FMNL2: variants seen among roughly 807,000 people sequenced by gnomAD.
The protein encoded by FMNL2 is formin-like protein 2.
A neutral mutation model predicts 130.2 loss-of-function variants in FMNL2; 51 were observed. The observed-to-expected ratio is 0.39, with a 90% CI of 0.31 to 0.49. FMNL2 has a LOEUF of 0.49. FMNL2 is among the 20% of genes least tolerant of loss of function. FMNL2 has a pLI of 0.85. For synonymous variants in FMNL2, 465 were observed against 467.1 expected (o/e 1.00, Z 0.06); for missense variants, 977 against 1,316.2 (o/e 0.74, Z 3.99).
intron 1 of FMNL2, among the ~76,000 whole-genome samples, chr2:152,416,184 C>A (rs1686601582): frequency 6.6e-6 from 1 of 152,122 alleles, no homozygotes; most frequent in Non-Finnish European, 1.5e-5. Context: ...TTGAAACTTT[C>A]TTCGGTAACC....
intron 1 of FMNL2, among the ~76,000 whole-genome samples, chr2:152,418,794 C>T (rs974716730): frequency 6.6e-6 from 1 of 152,046 alleles, no homozygotes; most frequent in Non-Finnish European, 1.5e-5. Flanking sequence ...GTTTAAGTTT[C>T]TGCTTTCAGT....
intron 1 of FMNL2, among the ~76,000 whole-genome samples, chr2:152,373,210 A>G (rs1156984724): frequency 6.6e-6 from 1 of 152,222 alleles, no homozygotes; most frequent in Non-Finnish European, 1.5e-5. Context: ...AGACTATTCA[A>G]GGTTAATTCT....
At chr2:152,617,681 C>T (rs936846340) in intron 13 of FMNL2, among the ~76,000 whole-genome samples, 4 of 152,192 alleles carry the variant, frequency 2.6e-5, no homozygotes, top group Admixed American at 6.5e-5. Flanking sequence ...GCAAAGCAAA[C>T]CCAATCCATT....
intron 1 of FMNL2, among the ~76,000 whole-genome samples, chr2:152,392,648 G>A (rs1157156808): frequency 2.3e-4 from 35 of 152,160 alleles, no homozygotes; most frequent in Admixed American, 6.5e-5. Flanking sequence ...ATCCCATCGA[G>A]AGGGAGAAGC....
At chr2:152,524,255 A>G (rs911514550) in intron 2 of FMNL2, among the ~76,000 whole-genome samples, 11 of 152,238 alleles carry the variant, frequency 7.2e-5, no homozygotes, top group Non-Finnish European at 1.5e-4. Context: ...TAACCAAATT[A>G]AGATTAAATC....
At chr2:152,395,018 A>T (rs1300289235) in intron 1 of FMNL2, among the ~76,000 whole-genome samples, 1 of 152,218 alleles carries the variant, frequency 6.6e-6, no homozygotes, top group African/African-American at 2.4e-5. Context: ...TGACAGCACT[A>T]AGAGTTATTC....
At chr2:152,437,306 G>A (rs762993168) in intron 1 of FMNL2, among the ~76,000 whole-genome samples, 1 of 152,142 alleles carries the variant, frequency 6.6e-6, no homozygotes, top group Non-Finnish European at 1.5e-5. Context: ...TTGCTGCTCT[G>A]TACCTGACAT....
intron 1 of FMNL2, among the ~76,000 whole-genome samples, chr2:152,357,094 T>TC (rs1245179752): frequency 5.7e-5 from 6 of 105,916 alleles, no homozygotes; most frequent in African/African-American, 1.2e-4. Context: ...AAATATTACA[T>TC]AAGTTTAATG....
intron 1 of FMNL2, among the ~76,000 whole-genome samples, chr2:152,352,652 G>T (rs2105781904): frequency 6.6e-6 from 1 of 151,518 alleles, no homozygotes; most frequent in African/African-American, 2.4e-5. Flanking sequence ...ATGAGAACTG[G>T]ATGAATAAAG....
At chr2:152,630,519 A>C (rs1304110397) in intron 20 of FMNL2, among the ~76,000 whole-genome samples, 1 of 152,330 alleles carries the variant, frequency 6.6e-6, no homozygotes, top group Non-Finnish European at 1.5e-5. Context: ...ACTAATGTGA[A>C]TAAGACTAGA....
At chr2:152,408,602 C>A (rs1273060155) in intron 1 of FMNL2, among the ~76,000 whole-genome samples, 1 of 151,910 alleles carries the variant, frequency 6.6e-6, no homozygotes, top group Non-Finnish European at 1.5e-5. Flanking sequence ...CCTGATAAAC[C>A]CATTGTAAGT....
chr2:152,405,406 A>G (rs181553867), intron 1 of FMNL2, among the ~76,000 whole-genome samples: 104 of 152,276 alleles, frequency 6.8e-4, no homozygotes, highest in African/African-American at 2.2e-3. Flanking sequence ...CATGTCCCCA[A>G]CATCCTGTCC....
At chr2:152,349,071 A>G (rs965535497) in intron 1 of FMNL2, among the ~76,000 whole-genome samples, 3 of 125,210 alleles carry the variant, frequency 2.4e-5, no homozygotes, top group African/African-American at 1.0e-4. Flanking sequence ...TCCTGACCTC[A>G]TGATCCACCC....
chr2:152,473,638 A>T (rs1388794586), intron 1 of FMNL2, among the ~76,000 whole-genome samples: 1 of 152,204 alleles, frequency 6.6e-6, no homozygotes, highest in African/African-American at 2.4e-5. Flanking sequence ...CAAAAAATCA[A>T]GGCCCAAGAT....
At chr2:152,551,817 A>G (rs534875635) in intron 4 of FMNL2, among the ~76,000 whole-genome samples, 1 of 152,188 alleles carries the variant, frequency 6.6e-6, no homozygotes, top group East Asian at 1.9e-4. Flanking sequence ...AGAGTTTGAG[A>G]CCAGCTTGGG....
At chr2:152,517,401 A>G (rs1279250121) in intron 1 of FMNL2, among the ~76,000 whole-genome samples, 2 of 152,108 alleles carry the variant, frequency 1.3e-5, no homozygotes, top group African/African-American at 2.4e-5. Context: ...CCATACGTTG[A>G]TGGTTAAGAA....
At chr2:152,379,958 A>G (rs1454265494) in intron 1 of FMNL2, among the ~76,000 whole-genome samples, 4 of 152,260 alleles carry the variant, frequency 2.6e-5, no homozygotes, top group African/African-American at 4.8e-5. Context: ...GGTGCCTTCA[A>G]ACATATAAAC....
chr2:152,640,112 T>A, intron 24 of FMNL2, 56 bp downstream of exon 24: 1 of 1,439,586 alleles, frequency 6.9e-7, no homozygotes, highest in Non-Finnish European at 9.3e-7. Context: ...AGAGGGCTCT[T>A]CAGAGCAAGC....
chr2:152,644,836 GA>G (rs1329824472), intron 25 of FMNL2, among the ~76,000 whole-genome samples: 8 of 152,174 alleles, frequency 5.3e-5, no homozygotes, highest in Non-Finnish European at 7.4e-5. Context: ...AATTGGGGGG[GA>G]AAAAAGGGTC....
Sources: allele counts gnomAD v4.1 joint callset (sites outside exome capture counted in the v4.1 genomes callset), GRCh38; gene constraint gnomAD v4.1.1; transcripts MANE v1.5; gene names NCBI Gene and HGNC (gene_info 2026-07-23, HGNC 2026-07-21).